The following IDH1 variants were observed in gnomAD, a reference collection of about 807,000 sequenced individuals.
IDH1 encodes the protein isocitrate dehydrogenase [NADP] cytoplasmic.
In IDH1, 33 loss-of-function variants were observed where a neutral mutation model predicts 46.1. That is an observed-to-expected ratio of 0.72 (90% CI 0.54 to 0.96). IDH1 has a LOEUF of 0.96. IDH1 is among the 40% of genes least tolerant of loss of function. IDH1 has a pLI of 0.00. For synonymous variants in IDH1, 144 were observed against 172.8 expected (o/e 0.83, Z 1.31); for missense variants, 421 against 515.7 (o/e 0.82, Z 1.78).
intron 9 of IDH1, among the ~76,000 whole-genome samples, chr2:208,237,547 C>A (rs1245133498): frequency 6.6e-6 from 1 of 152,112 alleles, no homozygotes; most frequent in Non-Finnish European, 1.5e-5. Context: ...CATAGCCAAA[C>A]CTTTACCCAC....
intron 4 of IDH1, 77 bp downstream of exon 4, chr2:208,248,292 A>G (rs2124862195): frequency 7.6e-7 from 1 of 1,315,448 alleles, no homozygotes; most frequent in Non-Finnish European, 1.1e-6. Context: ...GATAAGAATA[A>G]AACACATACA....
intron 9 of IDH1, 98 bp from the exon 10 acceptor site, chr2:208,237,267 T>A: frequency 1.4e-6 from 1 of 721,236 alleles, no homozygotes; most frequent in East Asian, 2.7e-5. Flanking sequence ...TAGTATTCTA[T>A]TTGTTTCTGG....
In IDH1 at chr2:208,237,169, A is replaced by C. The variant is rs760963029; in HGVS notation, c.1155T>G (p.Asn385Lys). ...TATTCAAGTAGTCAGAACGTTGCAC[A>C]CTAACGGGAAGGAAAAAAAAAAGAA... Reference protein sequence around the residue: ...DLAACIKGLPNVQRSDYLNTF... With the variant: ...DLAACIKGLPKVQRSDYLNTF... The change falls in exon 10 of 10, where the codon AAT becomes AAG. Residue 385 changes from asparagine (N) to lysine (K), a missense_variant and splice_region_variant. Coordinates refer to ENST00000345146, the MANE Select transcript of IDH1 (RefSeq NM_005896.4). 3 of 1,526,092 alleles carry C rather than the reference A, an allele frequency of 2.0e-6. No individual in the cohort carries two copies. Among genetic ancestry groups the C allele is most frequent in the Non-Finnish European group, 1.8e-6 (2 of 1,135,630 alleles). 94.5% of individuals were successfully genotyped at this position (1,526,092 alleles called of 1,614,324 possible). A position where few individuals can be genotyped will look rare whatever the true frequency, so the allele number is the denominator to read the frequency against.
At chr2:208,238,302 T>G (rs1191597751) in intron 9 of IDH1, among the ~76,000 whole-genome samples, 1 of 152,106 alleles carries the variant, frequency 6.6e-6, no homozygotes, top group East Asian at 1.9e-4. Flanking sequence ...CCCAAAGTGC[T>G]AGGATTACAG....
At chr2:208,244,510 GGTAGAAATAA>G (rs1173722062) in intron 5 of IDH1, among the ~76,000 whole-genome samples, 1 of 152,112 alleles carries the variant, frequency 6.6e-6, no homozygotes, top group African/African-American at 2.4e-5. Flanking sequence ...TACTGTAGTT[GGTAGAAATAA>G]GTAGAAATAA....
At chr2:208,242,230 C>G (rs1046022970) in intron 6 of IDH1, 85 bp from the exon 7 acceptor site, 2 of 1,247,820 alleles carry the variant, frequency 1.6e-6, no homozygotes, top group Non-Finnish European at 2.3e-6. Context: ...AACAGAAGAC[C>G]GGACACACAA....
intron 6 of IDH1, 141 bp downstream of exon 6, chr2:208,243,286 A>G: frequency 1.5e-6 from 1 of 675,918 alleles, no homozygotes; most frequent in African/African-American, 1.8e-5. Flanking sequence ...GCTAAACCTC[A>G]GTTTTGCCCT....
At chr2:208,250,349 T>C (rs926963084) in intron 3 of IDH1, among the ~76,000 whole-genome samples, 2 of 145,780 alleles carry the variant, frequency 1.4e-5, no homozygotes, top group East Asian at 2.0e-4. Flanking sequence ...TAATTTCTTA[T>C]GTTTGGTTGA....
chr2:208,237,215 T>G (rs914244648), intron 9 of IDH1, 46 bp from the exon 10 acceptor site: 2 of 986,942 alleles, frequency 2.0e-6, no homozygotes, highest in Admixed American at 3.6e-5. Flanking sequence ...GTCTCTGATA[T>G]GGTAGCAGGT....
At chr2:208,242,997 C>T (rs1036806297) in intron 6 of IDH1, among the ~76,000 whole-genome samples, 6 of 152,114 alleles carry the variant, frequency 3.9e-5, no homozygotes, top group African/African-American at 1.4e-4. Context: ...ATCTCCTGAC[C>T]TCGTGATCCG....
Position 208,248,677 on chromosome 2 carries a change from T to C in IDH1, c.123-17A>G, listed in dbSNP as rs768513536. 4.3e-6 allele frequency: 7 copies of C among 1,612,302 alleles called. No homozygotes were observed. Among genetic ancestry groups the C allele is most frequent in the African/African-American group, 1.3e-5 (1 of 74,882 alleles). ...AAATCATAGCTTGAAAGAGAAAAAT[T>C]AGAAGCAAAGTTTTTCAGACAAATG... On this transcript the variant is annotated splice_polypyrimidine_tract_variant and intron_variant, in intron 3 of 9. Coordinates refer to ENST00000345146, the MANE Select transcript of IDH1 (RefSeq NM_005896.4).
At chr2:208,247,653 T>C (rs1574408496) in intron 4 of IDH1, 2 of 152,262 alleles carry the variant, frequency 1.3e-5, no homozygotes, top group Non-Finnish European at 1.5e-5. Context: ...CCATGAACAA[T>C]TGACATAATT....
At position 208,248,506 on chromosome 2, in the gene IDH1, T is replaced by C. The variant is rs748255418; in HGVS notation, c.277A>G (p.Lys93Glu). ...TTTCGTATGGTGCCATTTGGTGATT[T>C]CCACATTTGTTTCAACTTGAACTCC... Reference protein sequence around the residue: ...VEEFKLKQMWKSPNGTIRNIL... With the variant: ...VEEFKLKQMWESPNGTIRNIL... The change falls in exon 4 of 10, where the codon AAA becomes GAA. Residue 93 changes from lysine (K) to glutamate (E), a missense_variant. Physicochemically the swap from Lys to Glu is moderately conservative, Grantham distance 56 (BLOSUM62 1). Transcript: ENST00000345146. 1.2e-6 allele frequency: 2 copies of C among 1,614,208 alleles called. No individual in the cohort carries two copies. The highest frequency in any genetic ancestry group is 2.2e-5 in the South Asian group (2 of 91,084).
At chr2:208,239,349 G>A in intron 8 of IDH1, 116 bp from the exon 9 acceptor site, 1 of 999,080 alleles carries the variant, frequency 1.0e-6, no homozygotes, top group South Asian at 1.4e-5. Context: ...GACTTCTTTA[G>A]ATACTAACCA....
In IDH1 at chr2:208,245,728, T is replaced by G. The variant is rs149246134; in HGVS notation, c.415-304A>C. Among the ~76,000 whole-genome samples, 666 of 143,656 alleles carry G rather than the reference T, an allele frequency of 4.6e-3. 6 individuals are homozygous for G. The highest frequency in any genetic ancestry group is 0.038 in the Middle Eastern group (10 of 266). The allele number at this position is 143,656 out of a possible 152,430, so 94.2% of individuals were successfully genotyped here. ...AAGTTTACAACCCTATAAAGACATATATAAGTGAAAAGCAATATAAGAGCT... is the reference window on the plus strand; with the variant it reads ...AAGTTTACAACCCTATAAAGACATAGATAAGTGAAAAGCAATATAAGAGCT... On this transcript the variant is annotated intron_variant, in intron 4 of 9. Transcript: ENST00000345146.
At position 208,242,231 on chromosome 2, in the gene IDH1, G is replaced by A. The variant is rs149941485; in HGVS notation, c.699-86C>T. On this transcript the variant is annotated intron_variant, in intron 6 of 9. Coordinates refer to ENST00000345146, the MANE Select transcript of IDH1 (RefSeq NM_005896.4). Reference sequence around the variant, plus strand: ...ATCTGCTTGTCCCAAACAGAAGACCGGACACACAAGAAGCAGCATATTTTA... The same window carrying A: ...ATCTGCTTGTCCCAAACAGAAGACCAGACACACAAGAAGCAGCATATTTTA... 27 of 1,225,042 alleles carry A rather than the reference G, an allele frequency of 2.2e-5. 2 individuals carry two copies. Among genetic ancestry groups the A allele is most frequent in the South Asian group, 1.7e-4 (14 of 82,690 alleles). The allele number at this position is 1,225,042 out of a possible 1,614,324, so 75.9% of individuals were successfully genotyped here.
intron 9 of IDH1, among the ~76,000 whole-genome samples, chr2:208,238,799 T>C (rs748230942): frequency 7.9e-5 from 12 of 152,204 alleles, no homozygotes; most frequent in Non-Finnish European, 1.2e-4. Flanking sequence ...AAAAGTTTGA[T>C]TGGTACCAGC....
chr2:208,251,858 A>T (rs1688131845), intron 2 of IDH1, among the ~76,000 whole-genome samples: 1 of 152,202 alleles, frequency 6.6e-6, no homozygotes, highest in South Asian at 2.1e-4. Context: ...TTTGTTAAAA[A>T]AAAAAGAGCT....
intron 9 of IDH1, among the ~76,000 whole-genome samples, 179 bp from the exon 10 acceptor site, chr2:208,237,348 G>A (rs1687829932): frequency 6.6e-6 from 1 of 151,578 alleles, no homozygotes; most frequent in Non-Finnish European, 1.5e-5. Context: ...TCCTGGGGCT[G>A]ACCCAGGCTC....
Sources: gnomAD v4.1 joint callset for allele counts (sites outside exome capture counted in the v4.1 genomes callset) on GRCh38, gnomAD v4.1.1 for gene constraint, MANE v1.5 for transcripts, NCBI Gene and HGNC (gene_info 2026-07-23, HGNC 2026-07-21) for gene names.